GMDS: variants seen among roughly 807,000 people sequenced by gnomAD.
GMDS encodes the protein GDP-mannose 4,6 dehydratase.
A neutral mutation model predicts 49.9 loss-of-function variants in GMDS; 20 were observed. That is an observed-to-expected ratio of 0.40 (90% CI 0.28 to 0.58). The LOEUF (loss-of-function observed/expected upper bound fraction) is 0.58, where lower values mean the gene tolerates loss of function less well. Ranked by LOEUF, GMDS falls within the 20% of genes least tolerant of loss-of-function variation. GMDS has a pLI of 0.42. For missense variants in GMDS, 362 were observed against 481.4 expected (o/e 0.75, Z 2.32); for synonymous variants, 177 against 178.6 (o/e 0.99, Z 0.07).
At chr6:1,633,625 G>A (rs922948004) in intron 9 of GMDS, among the ~76,000 whole-genome samples, 2 of 152,176 alleles carry the variant, frequency 1.3e-5, no homozygotes, top group Non-Finnish European at 2.9e-5. Context: ...CAATGTGCAC[G>A]GGCCGGTCAC....
chr6:2,123,721 C>T (rs1180621825), intron 2 of GMDS, among the ~76,000 whole-genome samples: 1 of 152,206 alleles, frequency 6.6e-6, no homozygotes, highest in Non-Finnish European at 1.5e-5. Context: ...TATGTACTTT[C>T]ATAATTCCAT....
chr6:1,735,364 G>C (rs1447799982), intron 8 of GMDS, among the ~76,000 whole-genome samples: 2 of 152,216 alleles, frequency 1.3e-5, no homozygotes, highest in African/African-American at 2.4e-5. Context: ...TAAGGAGCCT[G>C]CAGTCTATGG....
At chr6:1,854,953 T>C (rs1757881383) in intron 7 of GMDS, among the ~76,000 whole-genome samples, 1 of 152,230 alleles carries the variant, frequency 6.6e-6, no homozygotes, top group Non-Finnish European at 1.5e-5. Flanking sequence ...TTTTTTGTGT[T>C]TTCTTTAGAG....
intron 4 of GMDS, among the ~76,000 whole-genome samples, chr6:2,093,828 C>CT (rs1286732140): frequency 2.0e-5 from 3 of 150,890 alleles, no homozygotes; most frequent in Non-Finnish European, 4.4e-5. Flanking sequence ...TTTTAGGTAA[C>CT]TTTTTTTGGT....
chr6:2,217,016 C>T (rs1278892596), intron 1 of GMDS, among the ~76,000 whole-genome samples: 1 of 152,192 alleles, frequency 6.6e-6, no homozygotes, highest in Non-Finnish European at 1.5e-5. Context: ...ACCTCCCTGC[C>T]AGCCTCCCGC....
At chr6:2,078,724 T>C (rs1021528216) in intron 4 of GMDS, among the ~76,000 whole-genome samples, 1 of 152,098 alleles carries the variant, frequency 6.6e-6, no homozygotes, top group Non-Finnish European at 1.5e-5. Context: ...GAGAAGACTT[T>C]ATATTCTGTA....
At chr6:1,814,742 T>C (rs1770586477) in intron 7 of GMDS, among the ~76,000 whole-genome samples, 1 of 152,104 alleles carries the variant, frequency 6.6e-6, no homozygotes, top group African/African-American at 2.4e-5. Context: ...TGTACGTAAA[T>C]ATATATATAT....
intron 4 of GMDS, among the ~76,000 whole-genome samples, chr6:2,069,358 C>G (rs1293279866): frequency 2.0e-5 from 3 of 152,134 alleles, no homozygotes; most frequent in East Asian, 3.9e-4. Flanking sequence ...TAGGCATGGG[C>G]AAGGACTTCA....
chr6:2,067,622 G>T (rs1306833279), intron 4 of GMDS, among the ~76,000 whole-genome samples: 3 of 152,004 alleles, frequency 2.0e-5, no homozygotes, highest in Non-Finnish European at 4.4e-5. Flanking sequence ...TACCATCAGA[G>T]AATACTATAA....
At chr6:2,138,195 G>A (rs1376336839) in intron 1 of GMDS, among the ~76,000 whole-genome samples, 1 of 152,112 alleles carries the variant, frequency 6.6e-6, no homozygotes, top group Non-Finnish European at 1.5e-5. Flanking sequence ...GTATTAATCG[G>A]ACAATGGATC....
chr6:1,640,751 A>C lies in GMDS; in HGVS notation c.988-16211T>G, dbSNP rs1438297649. ...GTTCTACTGTGGGGGCACTGTCAGT[A>C]AACAGGCAATCAAGGAAACAATCAG... is the stretch of plus-strand genomic sequence containing the variant. On this transcript the variant is annotated intron_variant, in intron 9 of 10. Coordinates refer to ENST00000380815, the MANE Select transcript of GMDS (RefSeq NM_001500.4). This position sits in a 1 kb window ranked among gnomAD's most constrained non-coding sequence, Gnocchi z 4.0. Among the ~76,000 whole-genome samples, 1 of 152,210 alleles carries C rather than the reference A, an allele frequency of 6.6e-6. No individual in the cohort carries two copies. The highest frequency in any genetic ancestry group is 1.5e-5 in the Non-Finnish European group (1 of 68,024).
chr6:2,216,953 A>G (rs528044227), intron 1 of GMDS, among the ~76,000 whole-genome samples: 1 of 151,992 alleles, frequency 6.6e-6, no homozygotes, highest in African/African-American at 2.4e-5. Flanking sequence ...CTACTCCAGG[A>G]CACTTCCCCG....
At chr6:2,140,174 T>C (rs1024762393) in intron 1 of GMDS, among the ~76,000 whole-genome samples, 2 of 152,038 alleles carry the variant, frequency 1.3e-5, no homozygotes, top group African/African-American at 4.8e-5. Flanking sequence ...CTGGAGATTA[T>C]CGTGGATTAT....
At chr6:2,219,579 T>C (rs985565038) in intron 1 of GMDS, among the ~76,000 whole-genome samples, 1 of 152,080 alleles carries the variant, frequency 6.6e-6, no homozygotes, top group Non-Finnish European at 1.5e-5. Context: ...TAAAAAAAAA[T>C]GATTAGATGT....
chr6:1,691,782 G>A (rs2113338455), intron 9 of GMDS, among the ~76,000 whole-genome samples: 1 of 152,192 alleles, frequency 6.6e-6, no homozygotes, highest in Non-Finnish European at 1.5e-5. Flanking sequence ...CTTTTTCTCT[G>A]GCTACCTTTA....
At chr6:1,826,564 A>G (rs9391934) in intron 7 of GMDS, among the ~76,000 whole-genome samples, 87,916 of 152,084 alleles carry the variant, frequency 0.58, 26,459 homozygotes, top group African/African-American at 0.75. Context: ...AGATATTGTC[A>G]ATATAGTTAT....
chr6:1,826,117 G>A (rs1488976888), intron 7 of GMDS, among the ~76,000 whole-genome samples: 1 of 152,196 alleles, frequency 6.6e-6, no homozygotes, highest in Non-Finnish European at 1.5e-5. Context: ...TGAGTGAGAG[G>A]TGAGTCAATA....
At chr6:1,702,362 A>G (rs1765572329) in intron 9 of GMDS, among the ~76,000 whole-genome samples, 1 of 152,254 alleles carries the variant, frequency 6.6e-6, no homozygotes, top group South Asian at 2.1e-4. Context: ...ATGAGACTGT[A>G]TTCTGTTCTC....
intron 7 of GMDS, among the ~76,000 whole-genome samples, chr6:1,821,981 TA>T (rs1395725497): frequency 6.6e-6 from 1 of 152,180 alleles, no homozygotes; most frequent in African/African-American, 2.4e-5. Context: ...ATCAAGACGC[TA>T]AAATTAGCTT....
Sources: gnomAD v4.1 joint callset for allele counts (sites outside exome capture counted in the v4.1 genomes callset) on GRCh38, gnomAD v4.1.1 for gene constraint, Gnocchi (gnomAD v3.1) non-coding constraint, MANE v1.5 for transcripts, NCBI Gene and HGNC (gene_info 2026-07-23, HGNC 2026-07-21) for gene names.